RORA: variants seen among roughly 807,000 people sequenced by gnomAD.
RORA encodes the protein RAR related orphan receptor A.
In RORA, 7 loss-of-function variants were observed where a neutral mutation model predicts 69.5. The ratio of observed to expected loss-of-function variants is 0.10; its 90% CI spans 0.06 to 0.19. The LOEUF (loss-of-function observed/expected upper bound fraction) is 0.19. RORA is among the 10% of genes least tolerant of loss of function. The probability of loss-of-function intolerance (pLI) is 1.00; values close to 1 mark genes in which losing one functional copy is unlikely to be tolerated. For synonymous variants in RORA, 261 were observed against 240.8 expected (o/e 1.08, Z -0.78); for missense variants, 457 against 663.0 (o/e 0.69, Z 3.41).
At chr15:61,207,111 C>T (rs924251013) in intron 1 of RORA, among the ~76,000 whole-genome samples, 2 of 151,974 alleles carry the variant, frequency 1.3e-5, no homozygotes, top group African/African-American at 4.8e-5. Flanking sequence ...CATATAGACA[C>T]ATATGTATAC....
At chr15:60,567,362 T>G (rs183087347) in intron 2 of RORA, among the ~76,000 whole-genome samples, 1 of 151,884 alleles carries the variant, frequency 6.6e-6, no homozygotes, top group East Asian at 1.9e-4. Flanking sequence ...GGTTTGCACC[T>G]TTTCTTTTAG....
chr15:61,027,519 A>C (rs1157534724), intron 1 of RORA, among the ~76,000 whole-genome samples: 1 of 152,168 alleles, frequency 6.6e-6, no homozygotes, highest in Non-Finnish European at 1.5e-5. Context: ...CCCATCTTTA[A>C]AATTAGGAAA....
At chr15:61,119,459 AAT>A (rs200617026) in intron 1 of RORA, among the ~76,000 whole-genome samples, 3 of 150,136 alleles carry the variant, frequency 2.0e-5, no homozygotes, top group African/African-American at 7.3e-5. Context: ...TATACACACA[AAT>A]ATATATATAT....
At chr15:60,623,922 T>G (rs1013035444) in intron 2 of RORA, among the ~76,000 whole-genome samples, 3 of 152,152 alleles carry the variant, frequency 2.0e-5, no homozygotes, top group Admixed American at 6.5e-5. Context: ...GTTTTCTGTA[T>G]CTGAAATATG....
At chr15:61,178,682 C>T (rs533073290) in intron 1 of RORA, among the ~76,000 whole-genome samples, 1 of 151,782 alleles carries the variant, frequency 6.6e-6, no homozygotes, top group East Asian at 1.9e-4. Context: ...TGTGAAGAAA[C>T]AAAAAATCAT....
intron 1 of RORA, among the ~76,000 whole-genome samples, chr15:60,972,873 A>G (rs746463871): frequency 2.0e-5 from 3 of 152,034 alleles, no homozygotes; most frequent in Non-Finnish European, 2.9e-5. Context: ...TATAATTGCT[A>G]TTATCATTAT....
chr15:60,556,576 C>A (rs2067365961), intron 2 of RORA, among the ~76,000 whole-genome samples: 1 of 152,182 alleles, frequency 6.6e-6, no homozygotes, highest in South Asian at 2.1e-4. Flanking sequence ...TTCTCGTGTT[C>A]ACTCTGCAGG....
chr15:60,598,153 A>G (rs967250048), intron 2 of RORA, among the ~76,000 whole-genome samples: 12 of 152,218 alleles, frequency 7.9e-5, no homozygotes, highest in African/African-American at 2.9e-4. Context: ...AGTAGAGCTT[A>G]CAAGTGGAAC....
chr15:61,077,176 G>A (rs1399503840), intron 1 of RORA, among the ~76,000 whole-genome samples: 1 of 151,186 alleles, frequency 6.6e-6, no homozygotes, highest in Non-Finnish European at 1.5e-5. Flanking sequence ...TTTAATCGTA[G>A]ATGATACCAG....
chr15:60,517,548 GC>G (rs1254833432), intron 3 of RORA, among the ~76,000 whole-genome samples: 1 of 151,722 alleles, frequency 6.6e-6, no homozygotes, highest in Non-Finnish European at 1.5e-5. Flanking sequence ...TTCTTTGGGG[GC>G]TTACTAGAGA....
rs1378565460 is a variant in RORA, at chr15:60,592,381, G to A, written c.197-60530C>T. On this transcript the variant is annotated intron_variant, in intron 2 of 10. Coordinates refer to ENST00000335670, the MANE Select transcript of RORA (RefSeq NM_134261.3). The stretch of plus-strand genomic sequence containing the variant: ...CACCCGGCCCCGGCGGGGCGCCCGG[G>A]CTCACCTTTCATCGCTGCGATCACA... 1.1e-5 allele frequency: 16 copies of A among 1,427,024 alleles called. 1 individual carries two copies. The highest frequency in any genetic ancestry group is 5.0e-4 in the Middle Eastern group (2 of 4,034). 88.4% of individuals were successfully genotyped at this position (1,427,024 alleles called of 1,614,324 possible).
At chr15:60,499,141 T>C (rs1407465246) in intron 10 of RORA, among the ~76,000 whole-genome samples, 2 of 152,252 alleles carry the variant, frequency 1.3e-5, no homozygotes, top group African/African-American at 2.4e-5. Context: ...AGTCATTTAC[T>C]GTTGATGACT....
intron 1 of RORA, among the ~76,000 whole-genome samples, chr15:61,069,862 T>C (rs1338089569): frequency 1.3e-5 from 2 of 152,204 alleles, no homozygotes; most frequent in African/African-American, 4.8e-5. Flanking sequence ...TGAGCACAAC[T>C]GGCTATAATT....
chr15:60,647,259 C>T (rs1004397437), intron 2 of RORA, among the ~76,000 whole-genome samples: 2 of 152,160 alleles, frequency 1.3e-5, no homozygotes, highest in African/African-American at 4.8e-5. Flanking sequence ...AGTGCTTATA[C>T]CCTTAAGCCG....
At chr15:60,890,740 C>T (rs925380821) in intron 1 of RORA, among the ~76,000 whole-genome samples, 1 of 152,198 alleles carries the variant, frequency 6.6e-6, no homozygotes, top group Non-Finnish European at 1.5e-5. Flanking sequence ...AGGCCAGAAT[C>T]CTTGCAAATA....
chr15:61,127,866 A>T (rs1325074399), intron 1 of RORA, among the ~76,000 whole-genome samples: 1 of 152,110 alleles, frequency 6.6e-6, no homozygotes, highest in African/African-American at 2.4e-5. Flanking sequence ...CAATATTTTT[A>T]ATTTATGAAA....
At chr15:60,516,226 TATATATATTTA>T (rs2065947968) in intron 3 of RORA, among the ~76,000 whole-genome samples, 4 of 59,204 alleles carry the variant, frequency 6.8e-5, no homozygotes, top group Admixed American at 2.9e-4. Context: ...TATATATTTA[TATATATATTTA>T]TATATATATA....
intron 1 of RORA, among the ~76,000 whole-genome samples, chr15:60,980,364 G>T (rs1191250845): frequency 4.6e-5 from 7 of 152,032 alleles, no homozygotes; most frequent in Non-Finnish European, 8.8e-5. Context: ...ACCTTTTTCT[G>T]GTTTAAGTAT....
At chr15:60,889,895 G>A (rs1438037257) in intron 1 of RORA, among the ~76,000 whole-genome samples, 2 of 152,176 alleles carry the variant, frequency 1.3e-5, no homozygotes, top group East Asian at 3.8e-4. Context: ...GGCAACGGAC[G>A]TAAAAATAAC....
Sources: allele counts gnomAD v4.1 joint callset (sites outside exome capture counted in the v4.1 genomes callset), GRCh38; gene constraint gnomAD v4.1.1; transcripts MANE v1.5; gene names NCBI Gene and HGNC (gene_info 2026-07-23, HGNC 2026-07-21).